The following GALK2 variants were observed in gnomAD, a reference collection of about 807,000 sequenced individuals.
The protein encoded by GALK2 is galactokinase 2, also known as N-acetylgalactosamine kinase.
GALK2 carries 36 observed loss-of-function variants against 52.4 expected under a neutral mutation model. The ratio of observed to expected loss-of-function variants is 0.69; its 90% CI spans 0.53 to 0.91. GALK2 has a LOEUF of 0.91. Ranked by LOEUF, GALK2 falls within the 40% of genes least tolerant of loss-of-function variation. The pLI is 0.00. For missense variants in GALK2, 579 were observed against 559.1 expected, an observed-to-expected ratio of 1.04 and a Z score of -0.36; for synonymous variants, 176 against 199.1, an observed-to-expected ratio of 0.88 and a Z score of 0.98.
At chr15:49,279,665 T>G (rs2032408732) in intron 5 of GALK2, among the ~76,000 whole-genome samples, 1 of 152,202 alleles carries the variant, frequency 6.6e-6, no homozygotes, top group African/African-American at 2.4e-5. Flanking sequence ...ACTCAGTAAA[T>G]GTGGCTGTTA....
chr15:49,220,058 C>CT (rs34707025), intron 3 of GALK2, among the ~76,000 whole-genome samples: 1,878 of 92,684 alleles, frequency 0.02, 69 homozygotes, highest in African/African-American at 0.042. Context: ...AGATACAAGT[C>CT]TTTTTTTTTT....
chr15:49,350,697 G>T (rs555711444), intron 3 of GALK2, among the ~76,000 whole-genome samples: 1 of 152,288 alleles, frequency 6.6e-6, no homozygotes, highest in South Asian at 2.1e-4. Context: ...ACCTTGGTGG[G>T]TCTTCCTGCA....
chr15:49,253,334 G>T (rs1160195731), intron 5 of GALK2, among the ~76,000 whole-genome samples: 1 of 144,256 alleles, frequency 6.9e-6, no homozygotes, highest in African/African-American at 2.5e-5. Flanking sequence ...GGGTTCTCTT[G>T]TCTACTACAG....
chr15:49,249,099 G>T (rs2091480228), intron 5 of GALK2, among the ~76,000 whole-genome samples: 1 of 152,174 alleles, frequency 6.6e-6, no homozygotes, highest in African/African-American at 2.4e-5. Context: ...GTGATATTAA[G>T]TACTACACAT....
intron 5 of GALK2, among the ~76,000 whole-genome samples, chr15:49,266,485 G>A (rs956788859): frequency 2.0e-5 from 3 of 152,160 alleles, no homozygotes; most frequent in Admixed American, 6.5e-5. Context: ...TCTCTCACTT[G>A]TCTTGCTCTC....
chr15:49,325,165 A>C (rs1487595870), intron 9 of GALK2, among the ~76,000 whole-genome samples: 3 of 152,184 alleles, frequency 2.0e-5, no homozygotes, highest in Non-Finnish European at 4.4e-5. Flanking sequence ...TAATTCTGTG[A>C]ATACACAAGG....
chr15:49,238,497 A>G (rs961544936), intron 4 of GALK2, among the ~76,000 whole-genome samples: 1 of 152,192 alleles, frequency 6.6e-6, no homozygotes, highest in South Asian at 2.1e-4. Flanking sequence ...AAACTGTAGT[A>G]AGCATCTGGA....
At chr15:49,316,365 T>A (rs917910493) in intron 8 of GALK2, among the ~76,000 whole-genome samples, 3 of 151,926 alleles carry the variant, frequency 2.0e-5, no homozygotes, top group Admixed American at 6.6e-5. Flanking sequence ...TTAATAAGAT[T>A]TATTGGTTCA....
At chr15:49,182,643 C>G (rs2086061490) in intron 1 of GALK2, among the ~76,000 whole-genome samples, 2 of 152,148 alleles carry the variant, frequency 1.3e-5, no homozygotes, top group South Asian at 4.1e-4. Flanking sequence ...CACATCCTTA[C>G]CAGCATTTGC....
At chr15:49,316,030 G>T (rs186294911) in intron 8 of GALK2, among the ~76,000 whole-genome samples, 7 of 152,264 alleles carry the variant, frequency 4.6e-5, no homozygotes, top group African/African-American at 1.4e-4. Flanking sequence ...TTTATTACAG[G>T]ATATGGCCCT....
chr15:49,211,476 A>G (rs1266365574), intron 2 of GALK2, among the ~76,000 whole-genome samples: 1 of 152,126 alleles, frequency 6.6e-6, no homozygotes, highest in East Asian at 1.9e-4. Context: ...CCTAGTTCCA[A>G]AGGTGCTTTC....
At chr15:49,172,159 C>T (rs2085146905) in intron 1 of GALK2, among the ~76,000 whole-genome samples, 1 of 152,164 alleles carries the variant, frequency 6.6e-6, no homozygotes, top group African/African-American at 2.4e-5. Context: ...TAAAGATCAA[C>T]ATTTCTATCT....
At position 49,210,476 on chromosome 15, in the gene GALK2, G is replaced by A. The variant is rs938119739; in HGVS notation, c.143-6714G>A. 1.3e-4 allele frequency among the ~76,000 whole-genome samples: 19 copies of A among 151,250 alleles called. No homozygotes were observed. In the South Asian group the frequency reaches 1.5e-3, roughly 12 times the overall value. On this transcript the variant is annotated intron_variant, in intron 2 of 9. Coordinates refer to ENST00000560031, the MANE Select transcript of GALK2 (RefSeq NM_002044.4). ...TTTTTTGAGATGGAGTTCTGCTCTT[G>A]TTGCCCAAGCTGGAGTGCAATGGTG... is the stretch of plus-strand genomic sequence containing the variant.
intron 1 of GALK2, among the ~76,000 whole-genome samples, chr15:49,160,139 T>G (rs1380135098): frequency 2.0e-5 from 3 of 152,094 alleles, no homozygotes; most frequent in Middle Eastern, 6.8e-3. Flanking sequence ...CCAGGCATGG[T>G]GGCACATGCC....
downstream of GALK2, among the ~76,000 whole-genome samples, chr15:49,332,092 CA>C (rs2151151121): frequency 9.1e-6 from 1 of 109,390 alleles, no homozygotes; most frequent in Admixed American, 8.5e-5. Context: ...ACGTGCCACA[CA>C]CACACACACA....
chr15:49,340,419 C>G (rs1259965461), intron 3 of GALK2, among the ~76,000 whole-genome samples: 3 of 144,206 alleles, frequency 2.1e-5, no homozygotes, highest in Non-Finnish European at 4.6e-5. Context: ...CCCCTCCCCC[C>G]CCCGCTTTGC....
At chr15:49,242,550 TA>T (rs756555284) in intron 5 of GALK2, among the ~76,000 whole-genome samples, 2 of 152,230 alleles carry the variant, frequency 1.3e-5, no homozygotes, top group Non-Finnish European at 2.9e-5. Context: ...GATTGGTGAC[TA>T]AAGCCTTTCC....
chr15:49,203,408 A>G (rs1189375415), intron 2 of GALK2, among the ~76,000 whole-genome samples: 2 of 151,896 alleles, frequency 1.3e-5, no homozygotes, highest in Non-Finnish European at 2.9e-5. Flanking sequence ...TAAGTTTTTT[A>G]TATATTCTGG....
intron 3 of GALK2, chr15:49,365,125 T>C (rs1000858209): frequency 7.0e-6 from 5 of 717,040 alleles, no homozygotes; most frequent in African/African-American, 3.5e-5. Context: ...CATAATATTA[T>C]TGCTGGACAA....
Sources: allele counts gnomAD v4.1 joint callset (sites outside exome capture counted in the v4.1 genomes callset), GRCh38; gene constraint gnomAD v4.1.1; transcripts MANE v1.5; gene names NCBI Gene and HGNC (gene_info 2026-07-23, HGNC 2026-07-21).